Variants in ANKRD44 observed in about 807,000 individuals in gnomAD.
ANKRD44 encodes ankyrin repeat domain 44.
ANKRD44 carries 35 observed loss-of-function variants against 116.0 expected under a neutral mutation model. The ratio of observed to expected loss-of-function variants is 0.30; its 90% CI spans 0.23 to 0.40. The LOEUF is 0.40. ANKRD44 is among the 10% of genes least tolerant of loss of function. ANKRD44 has a pLI of 1.00. For missense variants in ANKRD44, 1,014 were observed against 1,242.6 expected, an observed-to-expected ratio of 0.82 and a Z score of 2.77; for synonymous variants, 435 against 461.8, an observed-to-expected ratio of 0.94 and a Z score of 0.74.
intron 16 of ANKRD44, among the ~76,000 whole-genome samples, chr2:197,031,519 T>C (rs1271045606): frequency 1.3e-5 from 2 of 152,238 alleles, no homozygotes; most frequent in East Asian, 1.9e-4. Flanking sequence ...TGTATTGTTT[T>C]GTAATCAGAA....
intron 16 of ANKRD44, among the ~76,000 whole-genome samples, chr2:197,052,211 A>G (rs892550279): frequency 1.3e-5 from 2 of 152,184 alleles, no homozygotes; most frequent in Admixed American, 1.3e-4. Context: ...CCCATCCTTC[A>G]CGTTTAATTT....
intron 16 of ANKRD44, among the ~76,000 whole-genome samples, chr2:197,052,856 T>A (rs1001900462): frequency 4.6e-5 from 7 of 152,194 alleles, no homozygotes; most frequent in Non-Finnish European, 1.0e-4. Context: ...AATAATTTCC[T>A]GTTTTGCTGT....
chr2:197,068,578 T>A (rs2077492183), intron 16 of ANKRD44, among the ~76,000 whole-genome samples: 1 of 151,674 alleles, frequency 6.6e-6, no homozygotes, highest in South Asian at 2.1e-4. Flanking sequence ...AGGGCTAATA[T>A]CCAGAATCTA....
chr2:196,975,441 G>A (rs954301328), intron 21 of ANKRD44, among the ~76,000 whole-genome samples: 5 of 152,126 alleles, frequency 3.3e-5, no homozygotes, highest in Non-Finnish European at 7.4e-5. Flanking sequence ...GAACATTTCT[G>A]AACTTATTCT....
intron 16 of ANKRD44, among the ~76,000 whole-genome samples, chr2:197,035,291 T>C (rs899821470): frequency 6.6e-6 from 1 of 152,066 alleles, no homozygotes; most frequent in Non-Finnish European, 1.5e-5. Flanking sequence ...CATGAAAACA[T>C]GGCAGGGAAA....
chr2:197,067,043 G>C (rs1379009689), intron 16 of ANKRD44, among the ~76,000 whole-genome samples: 1 of 152,046 alleles, frequency 6.6e-6, no homozygotes, highest in East Asian at 1.9e-4. Context: ...ATACTACAAG[G>C]CTACAGTAAC....
At chr2:197,220,583 C>T (rs900233198) in intron 1 of ANKRD44, among the ~76,000 whole-genome samples, 2 of 152,146 alleles carry the variant, frequency 1.3e-5, no homozygotes, top group African/African-American at 4.8e-5. Context: ...GGGGAGGCTC[C>T]ACAGCTAGAC....
At chr2:197,092,433 A>G (rs1372693676) in intron 10 of ANKRD44, among the ~76,000 whole-genome samples, 1 of 152,260 alleles carries the variant, frequency 6.6e-6, no homozygotes, top group Non-Finnish European at 1.5e-5. Flanking sequence ...GTGACTGTGA[A>G]AAAGGATATA....
At chr2:197,134,414 G>A (rs2079169425) in intron 4 of ANKRD44, 1 of 152,204 alleles carries the variant, frequency 6.6e-6, no homozygotes, top group Non-Finnish European at 1.5e-5. Flanking sequence ...AACCTACAGA[G>A]GGAGCTGGTT....
intron 2 of ANKRD44, among the ~76,000 whole-genome samples, chr2:197,160,397 T>C (rs570190759): frequency 1.3e-5 from 2 of 152,286 alleles, no homozygotes; most frequent in South Asian, 4.1e-4. Context: ...GGAACAAGTT[T>C]ACTGGCAAGA....
intron 9 of ANKRD44, among the ~76,000 whole-genome samples, chr2:197,109,974 C>A (rs1365851152): frequency 5.4e-5 from 6 of 110,650 alleles, no homozygotes; most frequent in Non-Finnish European, 9.8e-5. Flanking sequence ...CTCTGTCAAG[C>A]CTGTGAATTT....
intron 21 of ANKRD44, among the ~76,000 whole-genome samples, chr2:197,003,830 A>G (rs140217447): frequency 0.014 from 2,183 of 152,138 alleles, 26 homozygotes; most frequent in Non-Finnish European, 0.023. Flanking sequence ...ACCCATTAGT[A>G]GGTTAAAAAA....
chr2:196,995,811 C>T (rs898005970), intron 25 of ANKRD44, among the ~76,000 whole-genome samples: 2 of 152,214 alleles, frequency 1.3e-5, no homozygotes, highest in Non-Finnish European at 2.9e-5. Flanking sequence ...AATCCTATAA[C>T]ATTTAGCATA....
In ANKRD44 at chr2:197,004,919, A is replaced by G. The variant is rs2076175751; in HGVS notation, c.2347+775T>C. On this transcript the variant is annotated intron_variant, in intron 21 of 27. Transcript: ENST00000282272. Reference sequence around the variant, plus strand: ...TACATATTGCTATGAAATAATATACAACCATTATAAGATCAATCCATATTG... The same window carrying G: ...TACATATTGCTATGAAATAATATACGACCATTATAAGATCAATCCATATTG... 2.0e-5 allele frequency among the ~76,000 whole-genome samples: 3 copies of G among 152,328 alleles called. No homozygotes were observed. The South Asian group carries it at 6.2e-4, about 32-fold the overall frequency.
Position 197,009,864 on chromosome 2 carries a change from G to T in ANKRD44, c.1925-833C>A, listed in dbSNP as rs546178809. Among the ~76,000 whole-genome samples, 8 of 152,162 alleles carry T rather than the reference G, an allele frequency of 5.3e-5. No individual in the cohort carries two copies. The South Asian group carries it at 1.7e-3, about 32-fold the overall frequency. ...GTGTTGAGGGTTTTTTCTTACACTT[G>T]GGGTCCTTTCTTATCTCCTGTCATG... On this transcript the variant is annotated intron_variant, in intron 18 of 27. Transcript: ENST00000282272.
Position 196,986,870 on chromosome 2 carries a change from C to T in ANKRD44, c.*2721G>A. On this transcript the variant is annotated 3_prime_UTR_variant, in exon 28 of 28. Coordinates refer to ENST00000282272, the MANE Select transcript of ANKRD44 (RefSeq NM_001195144.2). ...CCATTTTTACAGTCATGACATTTACCAGAGTCATTCAACTCCAATTTACAT... is the reference window on the plus strand; with the variant it reads ...CCATTTTTACAGTCATGACATTTACTAGAGTCATTCAACTCCAATTTACAT... 1 of 985,342 alleles carries T rather than the reference C, an allele frequency of 1.0e-6. No individual in the cohort carries two copies. The highest frequency in any genetic ancestry group is 1.2e-6 in the Non-Finnish European group (1 of 829,894). 61.0% of individuals were successfully genotyped at this position (985,342 alleles called of 1,614,324 possible). A position where few individuals can be genotyped will look rare whatever the true frequency, so the allele number is the denominator to read the frequency against.
intron 16 of ANKRD44, among the ~76,000 whole-genome samples, chr2:197,067,299 A>G (rs1436165082): frequency 2.0e-5 from 3 of 152,168 alleles, no homozygotes; most frequent in African/African-American, 7.2e-5. Context: ...TGGATTAAAG[A>G]CTTAAATGTT....
chr2:197,233,189 C>A (rs1176306997), intron 1 of ANKRD44, among the ~76,000 whole-genome samples: 2 of 152,160 alleles, frequency 1.3e-5, no homozygotes, highest in African/African-American at 2.4e-5. Context: ...CTATTTATGT[C>A]ATTAATTTTC....
chr2:197,190,308 A>G (rs2080792986), intron 1 of ANKRD44, among the ~76,000 whole-genome samples: 1 of 152,186 alleles, frequency 6.6e-6, no homozygotes, highest in African/African-American at 2.4e-5. Context: ...GCCTTGCTAT[A>G]TGGACATCTC....
Sources: gnomAD v4.1 joint callset for allele counts (sites outside exome capture counted in the v4.1 genomes callset) on GRCh38, gnomAD v4.1.1 for gene constraint, MANE v1.5 for transcripts, NCBI Gene and HGNC (gene_info 2026-07-23, HGNC 2026-07-21) for gene names.